The following PEX39 variants were observed in gnomAD, a reference collection of about 807,000 sequenced individuals.
PEX39 encodes peroxisomal biogenesis factor 39.
chr6:42,890,657 C>A, the PEX39 span: 1 of 1,612,804 alleles, frequency 6.2e-7, no homozygotes. Flanking sequence ...CGCCGTGGAT[C>A]GCCGCGATGT....
At chr6:42,890,657 C>T in the PEX39 span, 1 of 1,612,804 alleles carries the variant, frequency 6.2e-7, no homozygotes, top group South Asian at 1.1e-5. Flanking sequence ...CGCCGTGGAT[C>T]GCCGCGATGT....
At chr6:42,890,687 G>C in the PEX39 span, 1 of 1,612,846 alleles carries the variant, frequency 6.2e-7, no homozygotes, top group African/African-American at 1.3e-5. Flanking sequence ...CCAGGCCCGG[G>C]AGTTCCTGGC....
At chr6:42,890,552 CG>C in the PEX39 span, 15 of 1,593,394 alleles carry the variant, frequency 9.4e-6, no homozygotes, top group African/African-American at 2.7e-5. Flanking sequence ...CCGCCGGGGC[CG>C]TTCCTATCCT....
At chr6:42,890,525 C>G in the PEX39 span, 22 of 1,571,038 alleles carry the variant, frequency 1.4e-5, no homozygotes, top group African/African-American at 2.7e-4. Context: ...CAGTCGCTGC[C>G]TCAACCAAGC....
the PEX39 span, chr6:42,890,623 G>A: frequency 6.2e-7 from 1 of 1,612,410 alleles, no homozygotes; most frequent in African/African-American, 1.3e-5. Context: ...TTGGGCCTCC[G>A]CGGCAGCCGG....
chr6:42,890,519 C>G, the PEX39 span: 2 of 1,561,550 alleles, frequency 1.3e-6, no homozygotes, highest in Non-Finnish European at 1.7e-6. Context: ...AAGGCGCAGT[C>G]GCTGCCTCAA....
the PEX39 span, chr6:42,890,600 G>T: frequency 6.2e-7 from 1 of 1,611,752 alleles, no homozygotes; most frequent in Non-Finnish European, 8.5e-7. Flanking sequence ...CCAAAGCCGC[G>T]GCCTCCCAGG....
the PEX39 span, chr6:42,890,707 C>A: frequency 6.2e-7 from 1 of 1,611,870 alleles, no homozygotes; most frequent in Admixed American, 1.7e-5. Flanking sequence ...CCCTGCTGGA[C>A]CAGCTGCAGG....
the PEX39 span, chr6:42,890,463 GCCGCAAAGGA>G: frequency 3.3e-6 from 5 of 1,495,806 alleles, no homozygotes; most frequent in Non-Finnish European, 4.5e-6. Flanking sequence ...CCAGATCGCC[GCCGCAAAGGA>G]CCTGGAACCT....
At chr6:42,890,570 C>G in the PEX39 span, 1 of 1,608,160 alleles carries the variant, frequency 6.2e-7, no homozygotes, top group South Asian at 1.1e-5. Flanking sequence ...TCCTGAGGGT[C>G]GGAGGGGGAA....
the PEX39 span, chr6:42,890,311 T>C: frequency 4.0e-6 from 2 of 498,552 alleles, no homozygotes; most frequent in Admixed American, 8.6e-5. Context: ...AAACAGGATT[T>C]TTCTTAACTG....
chr6:42,890,651 G>A, the PEX39 span: 24 of 1,612,638 alleles, frequency 1.5e-5, no homozygotes, highest in East Asian at 2.2e-5. Flanking sequence ...TGGGTTCGCC[G>A]TGGATCGCCG....
the PEX39 span, chr6:42,890,632 G>C: frequency 6.2e-7 from 1 of 1,612,656 alleles, no homozygotes; most frequent in Non-Finnish European, 8.5e-7. Flanking sequence ...CGCGGCAGCC[G>C]GGACGCTGTG....
At chr6:42,890,478 G>A in the PEX39 span, 1 of 1,505,980 alleles carries the variant, frequency 6.6e-7, no homozygotes, top group Non-Finnish European at 8.9e-7. Flanking sequence ...AAAGGACCTG[G>A]AACCTCAGGG....
chr6:42,890,701 G>A, the PEX39 span: 2 of 1,612,028 alleles, frequency 1.2e-6, no homozygotes, highest in Non-Finnish European at 1.7e-6. Flanking sequence ...TCCTGGCCCT[G>A]CTGGACCAGC....
the PEX39 span, chr6:42,890,770 G>T: frequency 1.3e-6 from 2 of 1,592,624 alleles, no homozygotes; most frequent in South Asian, 1.1e-5. Context: ...GAGCATTGGG[G>T]ACTGCGGGGA....
the PEX39 span, chr6:42,890,776 G>A: frequency 4.4e-6 from 7 of 1,589,816 alleles, no homozygotes; most frequent in Admixed American, 6.9e-5. Flanking sequence ...TGGGGACTGC[G>A]GGGACGCTCC....
the PEX39 span, chr6:42,890,689 GT>G: frequency 6.2e-7 from 1 of 1,612,820 alleles, no homozygotes; most frequent in South Asian, 1.1e-5. Context: ...AGGCCCGGGA[GT>G]TCCTGGCCCT....
the PEX39 span, chr6:42,890,558 T>C: frequency 3.6e-5 from 57 of 1,604,758 alleles, no homozygotes; most frequent in East Asian, 1.2e-3. Flanking sequence ...GGGCCGTTCC[T>C]ATCCTGAGGG....
Sources: gnomAD v4.1 joint callset for allele counts on GRCh38, gnomAD v4.1.1 for gene constraint, MANE v1.5 for transcripts, NCBI Gene and HGNC (gene_info 2026-07-23, HGNC 2026-07-21) for gene names.